KLF10: variants seen among roughly 807,000 people sequenced by gnomAD.
The protein encoded by KLF10 is Krueppel-like factor 10.
KLF10 carries 17 observed loss-of-function variants against 31.6 expected under a neutral mutation model. The ratio of observed to expected loss-of-function variants is 0.54; its 90% confidence interval spans 0.37 to 0.81. The LOEUF (loss-of-function observed/expected upper bound fraction) is 0.81, where lower values mean the gene tolerates loss of function less well. Among genes scored for constraint, KLF10 ranks in the 30% least tolerant of loss-of-function variants. The pLI, the probability that KLF10 is intolerant of heterozygous loss-of-function variation, is 0.00. For synonymous variants in KLF10, 239 were observed against 215.1 expected (o/e 1.11, Z -0.97); for missense variants, 525 against 598.1 (o/e 0.88, Z 1.27).
At chr8:102,652,443 C>G in intron 1 of KLF10, 46 bp from the exon 2 acceptor site, 2 of 1,087,710 alleles carry the variant, frequency 1.8e-6, no homozygotes, top group Non-Finnish European at 2.6e-6. Flanking sequence ...TTTTTGTCAT[C>G]CAAATGACAC....
intron 1 of KLF10, chr8:102,653,630 A>C (rs1827271837): frequency 1.5e-6 from 2 of 1,328,934 alleles, no homozygotes; most frequent in South Asian, 4.4e-5. Context: ...ATCCTAAGAA[A>C]ACGAGCCATT....
At chr8:102,653,734 G>C in intron 1 of KLF10, 1 of 1,171,854 alleles carries the variant, frequency 8.5e-7, no homozygotes, top group Non-Finnish European at 1.1e-6. Flanking sequence ...ACAGCCCCAA[G>C]ACGCCAATGC....
chr8:102,652,963 C>T (rs1272190014), intron 1 of KLF10, among the ~76,000 whole-genome samples: 1 of 152,030 alleles, frequency 6.6e-6, no homozygotes, highest in African/African-American at 2.4e-5. Context: ...TAGTAGAGCT[C>T]TGGCCTGTTG....
chr8:102,654,200 T>A (rs963526868), intron 1 of KLF10: 3 of 146,882 alleles, frequency 2.0e-5, no homozygotes, highest in Admixed American at 1.4e-4. Context: ...TTCCCCTACT[T>A]CCTGAGCTTG....
Position 102,651,355 on chromosome 8 carries a change from A to C in KLF10, c.977T>G (p.Val326Gly). The change falls in exon 3 of 4, where the codon GTG (valine) becomes GGG (glycine). Residue 326 changes from valine to glycine, a missense_variant. By Grantham distance (109) the Val-to-Gly change is moderately radical. Coordinates refer to ENST00000285407, the MANE Select transcript of KLF10 (RefSeq NM_005655.4). ...CACCACCGGAGGCTTTGAACTCTGC[A>C]CAACGGGCTGGGGTACCACAAACAT... ...AVMFVVPQPV[V>G]QSSKPPVVSP... The C allele has an allele frequency of 6.3e-7, 1 of 1,598,332 alleles. No homozygotes were observed.
At chr8:102,654,918 C>T (rs965607300) in intron 1 of KLF10, among the ~76,000 whole-genome samples, 21 of 152,134 alleles carry the variant, frequency 1.4e-4, no homozygotes, top group Non-Finnish European at 1.3e-4. Flanking sequence ...GGGAGCAACT[C>T]GTCCCCCAGG....
intron 3 of KLF10, among the ~76,000 whole-genome samples, chr8:102,650,727 G>A (rs1375193436): frequency 6.6e-6 from 1 of 152,034 alleles, no homozygotes; most frequent in African/African-American, 2.4e-5. Flanking sequence ...CTTAAAAAAA[G>A]CCAAAAATGA....
At chr8:102,654,673 C>A (rs923614644) in intron 1 of KLF10, among the ~76,000 whole-genome samples, 1 of 151,760 alleles carries the variant, frequency 6.6e-6, no homozygotes, top group African/African-American at 2.4e-5. Context: ...CAGCTCCAGG[C>A]CCCTCCCGCC....
rs565611231 is a variant in KLF10 at position 102,653,762 on chromosome 8, A to C, written c.37-1365T>G. 323 of 1,111,328 alleles carry C rather than the reference A, an allele frequency of 2.9e-4. 1 individual carries two copies. The highest frequency in any genetic ancestry group is 2.3e-3 in the Middle Eastern group (6 of 2,572). The allele number at this position is 1,111,328 out of a possible 1,614,324, so 68.8% of individuals were successfully genotyped here. A position where few individuals can be genotyped will look rare whatever the true frequency, so the allele number is the denominator to read the frequency against. On this transcript the variant is annotated intron_variant, in intron 1 of 3. Coordinates refer to ENST00000285407, the MANE Select transcript of KLF10 (RefSeq NM_005655.4). The stretch of plus-strand genomic sequence containing the variant: ...GCCAATGCAAAAAAAGGAAAAAAGA[A>C]AGGCAGGCGGCAGGGAAAGAGAGCG...
At position 102,655,442 on chromosome 8, in the gene KLF10, C is replaced by T. The variant is rs571787687; in HGVS notation, c.36+124G>A. 25 of 1,281,848 alleles carry T rather than the reference C, an allele frequency of 2.0e-5. No individual in the cohort carries two copies. In the African/African-American group the frequency reaches 2.5e-4, roughly 13 times the overall value. 79.4% of individuals were successfully genotyped at this position (1,281,848 alleles called of 1,614,324 possible). ...GCAGGCAGGAAGCCCTTTCCTTCCC[C>T]ACGACTCCGCTGCAGCCCCAATTCT... On this transcript the variant is annotated intron_variant, in intron 1 of 3. Coordinates refer to ENST00000285407, the MANE Select transcript of KLF10 (RefSeq NM_005655.4).
At chr8:102,655,471 G>C in intron 1 of KLF10, 95 bp downstream of exon 1, 1 of 1,481,802 alleles carries the variant, frequency 6.7e-7, no homozygotes. Context: ...CAATTCTCAG[G>C]CATGGCTGAT....
At chr8:102,654,004 T>C (rs1325572044) in intron 1 of KLF10, 5 of 983,936 alleles carry the variant, frequency 5.1e-6, no homozygotes, top group Non-Finnish European at 6.0e-6. Flanking sequence ...TCCTCGCCGC[T>C]CGCACGTCCC....
intron 1 of KLF10, among the ~76,000 whole-genome samples, chr8:102,652,664 C>G (rs2131081447): frequency 6.6e-6 from 1 of 152,120 alleles, no homozygotes; most frequent in South Asian, 2.1e-4. Context: ...ACTGATAAAG[C>G]GATATCCGTT....
At chr8:102,652,885 G>A (rs1158395541) in intron 1 of KLF10, among the ~76,000 whole-genome samples, 1 of 151,958 alleles carries the variant, frequency 6.6e-6, no homozygotes, top group Non-Finnish European at 1.5e-5. Flanking sequence ...TATGGTATGA[G>A]GTCTTTTGAG....
At chr8:102,654,033 A>T in intron 1 of KLF10, 1 of 972,220 alleles carries the variant, frequency 1.0e-6, no homozygotes, top group Non-Finnish European at 1.2e-6. Flanking sequence ...TGCCCCCGCC[A>T]TTGGCCGGCC....
intron 1 of KLF10, among the ~76,000 whole-genome samples, chr8:102,653,049 T>C (rs1470241018): frequency 6.6e-6 from 1 of 152,226 alleles, no homozygotes; most frequent in Non-Finnish European, 1.5e-5. Context: ...TCAGGGTATC[T>C]TTCAAGTTAA....
chr8:102,650,207 C>T lies in KLF10; in HGVS notation c.1368G>A (p.Lys456=), dbSNP rs930597625. 1 of 1,614,228 alleles carries T rather than the reference C, an allele frequency of 6.2e-7. No individual in the cohort carries two copies. The highest frequency in any genetic ancestry group is 8.5e-7 in the Non-Finnish European group (1 of 1,180,052). The change falls in exon 4 of 4, where the codon AAG becomes AAA. Residue 456 remains lysine (K), a synonymous_variant. Transcript: ENST00000285407. ...KHARRHLSAK[K]LPNWQMEVSK... ...TCACTTCCATCTGCCAGTTTGGTAG[C>T]TTCTTGGCTGATAGATGGCGCCGGG...
chr8:102,650,179 T>C lies in KLF10; in HGVS notation c.1396A>G (p.Lys466Glu). ...GGAGGTAGAGCAATGTCATTTAGCT[T>C]GCTCACTTCCATCTGCCAGTTTGGT... ...KLPNWQMEVS[K>E]LNDIALPPTP... Residue 466 changes from lysine to glutamate, a missense_variant, in exon 4 of 4, where the codon AAG becomes GAG. Around this residue, in one of 3 missense-constraint regions of KLF10, gnomAD observed 42 missense variants for 42.4 expected, o/e 0.99. Coordinates refer to ENST00000285407, the MANE Select transcript of KLF10 (RefSeq NM_005655.4). The C allele has an allele frequency of 6.2e-7, 1 of 1,614,240 alleles. No individual in the cohort carries two copies. Among genetic ancestry groups the C allele is most frequent in the Non-Finnish European group, 8.5e-7 (1 of 1,180,046 alleles).
At position 102,649,113 on chromosome 8, in the gene KLF10, C is replaced by T. The variant is rs917377243; in HGVS notation, c.*1019G>A. 5 of 125,404 alleles carry T rather than the reference C, an allele frequency of 4.0e-5. No homozygotes were observed. The highest frequency in any genetic ancestry group is 9.8e-5 in the African/African-American group (3 of 30,460). The allele number at this position is 125,404 out of a possible 1,614,324, so 7.8% of individuals were successfully genotyped here. A position where few individuals can be genotyped will look rare whatever the true frequency, so the allele number is the denominator to read the frequency against. ...CAACTACCTCCACATCCCCAAAAAA[C>T]GCCTATAAATTAACAGGACAACATC... On this transcript the variant is annotated 3_prime_UTR_variant, in exon 4 of 4. Coordinates refer to ENST00000285407, the MANE Select transcript of KLF10 (RefSeq NM_005655.4).
Sources: allele counts gnomAD v4.1 joint callset (sites outside exome capture counted in the v4.1 genomes callset), GRCh38; gene constraint gnomAD v4.1.1; regional missense constraint gnomAD v4.1.1; transcripts MANE v1.5; gene names NCBI Gene and HGNC (gene_info 2026-07-23, HGNC 2026-07-21).